RAB9B: variants seen among roughly 807,000 people sequenced by gnomAD.
The protein encoded by RAB9B is ras-related protein Rab-9B.
A neutral mutation model predicts 8.9 loss-of-function variants in RAB9B; 1 was observed. The ratio of observed to expected loss-of-function variants is 0.11; its 90% CI spans 0.04 to 0.53. RAB9B has a LOEUF of 0.53. Among genes scored for constraint, RAB9B ranks in the 20% least tolerant of loss-of-function variants. The pLI, the probability that RAB9B is intolerant of heterozygous loss-of-function variation, is 0.93. For synonymous variants in RAB9B, 63 were observed against 57.0 expected, an observed-to-expected ratio of 1.10 and a Z score of -0.47; for missense variants, 82 against 152.9, an observed-to-expected ratio of 0.54 and a Z score of 2.45.
chrX:103,824,338 G>A lies in RAB9B; in HGVS notation c.*841C>T, dbSNP rs1225425056. On this transcript the variant is annotated 3_prime_UTR_variant, in exon 3 of 3. Coordinates refer to ENST00000243298, the MANE Select transcript of RAB9B (RefSeq NM_016370.4). ...AAGGACCATCTAAATGATGAGCAGA[G>A]AGCACTGCATCCAAATTCATATACT... 2.7e-5 allele frequency: 3 copies of A among 112,387 alleles called. No homozygotes were observed. Among genetic ancestry groups the A allele is most frequent in the Non-Finnish European group, 5.6e-5 (3 of 53,334 alleles). The allele number at this position is 112,387 out of a possible 1,213,427, so 9.3% of individuals were successfully genotyped here. A position where few individuals can be genotyped will look rare whatever the true frequency, so the allele number is the denominator to read the frequency against.
chrX:103,776,761 A>G, the RAB9B span: 4 of 293,579 alleles, frequency 1.4e-5, no homozygotes, highest in African/African-American at 2.2e-4. Context: ...GGTGGGGAAA[A>G]GGGGAGGAGA....
intron 1 of RAB9B, among the ~76,000 whole-genome samples, chrX:103,831,028 G>T (rs1427083248): frequency 9.0e-6 from 1 of 110,880 alleles, no homozygotes; most frequent in Non-Finnish European, 1.9e-5. Context: ...CACTGGATGA[G>T]AGTGGCACTG....
At chrX:103,780,435 C>CTGTGTGAGTG in the RAB9B span, among the ~76,000 whole-genome samples, 1 of 68,337 alleles carries the variant, frequency 1.5e-5, no homozygotes, top group Admixed American at 1.6e-4. Context: ...CATTCTGTCT[C>CTGTGTGAGTG]TCTCTGTGTG....
chrX:103,789,184 A>C, the RAB9B span: 1 of 528,610 alleles, frequency 1.9e-6, no homozygotes, highest in Non-Finnish European at 3.4e-6. Context: ...TGGGAGGCCC[A>C]CATTTAGGGA....
chrX:103,787,187 C>CT, the RAB9B span, among the ~76,000 whole-genome samples: 1 of 111,397 alleles, frequency 9.0e-6, no homozygotes, highest in Non-Finnish European at 1.9e-5. Flanking sequence ...CTGCACAGTT[C>CT]GAGGTCCCAG....
the RAB9B span, chrX:103,776,511 A>G: frequency 1.7e-5 from 2 of 117,363 alleles, no homozygotes; most frequent in African/African-American, 6.5e-5. Context: ...CTCTCACTTC[A>G]TGGCTTCTCA....
chrX:103,814,806 C>T, the RAB9B span, among the ~76,000 whole-genome samples: 3 of 112,027 alleles, frequency 2.7e-5, no homozygotes, highest in Non-Finnish European at 5.6e-5. Context: ...AATACTATAA[C>T]ACCTCTATGC....
downstream of RAB9B, among the ~76,000 whole-genome samples, chrX:103,820,985 C>T (rs866277790): frequency 9.2e-4 from 90 of 97,613 alleles, no homozygotes; most frequent in Non-Finnish European, 1.3e-3. Flanking sequence ...CACACACATA[C>T]ACACACACAC....
the RAB9B span, among the ~76,000 whole-genome samples, chrX:103,806,223 G>A: frequency 9.0e-6 from 1 of 110,999 alleles, no homozygotes; most frequent in African/African-American, 3.3e-5. Context: ...TTAAATATAG[G>A]TACTTACAGA....
the RAB9B span, chrX:103,788,362 G>A: frequency 1.4e-6 from 1 of 727,818 alleles, no homozygotes; most frequent in South Asian, 2.1e-5. Context: ...TGGAAGAAGG[G>A]CTCTGGGGGA....
chrX:103,802,447 A>G, the RAB9B span, among the ~76,000 whole-genome samples: 1 of 111,760 alleles, frequency 8.9e-6, no homozygotes, highest in Non-Finnish European at 1.9e-5. Context: ...TAATTTTTCT[A>G]GTTGGATACA....
chrX:103,814,469 T>C, the RAB9B span, among the ~76,000 whole-genome samples: 32,388 of 110,509 alleles, frequency 0.29, 3,520 homozygotes, highest in East Asian at 0.38. Context: ...GCACTAAATG[T>C]CCACAAGAGA....
chrX:103,804,235 A>G, the RAB9B span, among the ~76,000 whole-genome samples: 1 of 112,243 alleles, frequency 8.9e-6, no homozygotes, highest in African/African-American at 3.2e-5. Context: ...GCATCCCAGC[A>G]CATTTGTTGA....
the RAB9B span, among the ~76,000 whole-genome samples, chrX:103,816,702 C>G: frequency 8.9e-6 from 1 of 112,081 alleles, no homozygotes; most frequent in Non-Finnish European, 1.9e-5. Flanking sequence ...GGCTAATATC[C>G]AGAATCTATA....
the RAB9B span, among the ~76,000 whole-genome samples, chrX:103,802,188 A>AAG: frequency 5.4e-4 from 55 of 102,761 alleles, no homozygotes; most frequent in South Asian, 1.9e-3. Context: ...TAGAAGAAGA[A>AAG]AGAGAGAGAG....
chrX:103,831,551 C>CT (rs2074703725), intron 1 of RAB9B, among the ~76,000 whole-genome samples: 1 of 101,110 alleles, frequency 9.9e-6, no homozygotes, highest in Non-Finnish European at 2.0e-5. Flanking sequence ...CAGGACACTT[C>CT]TTCCTCAGTA....
chrX:103,799,931 C>T, the RAB9B span, among the ~76,000 whole-genome samples: 1 of 111,588 alleles, frequency 9.0e-6, no homozygotes, highest in Non-Finnish European at 1.9e-5. Context: ...TTCTACTCTA[C>T]CCCCAAGAGG....
At chrX:103,798,935 C>T in the RAB9B span, among the ~76,000 whole-genome samples, 3 of 108,322 alleles carry the variant, frequency 2.8e-5, no homozygotes, top group Non-Finnish European at 5.7e-5. Context: ...CCACCGAGCC[C>T]GACCCAAACT....
chrX:103,789,001 G>A, the RAB9B span: 11,352 of 335,339 alleles, frequency 0.034, 169 homozygotes, highest in Middle Eastern at 0.059. Context: ...AAGTAAATCC[G>A]GGGGAGACAG....
Sources: allele counts gnomAD v4.1 joint callset (sites outside exome capture counted in the v4.1 genomes callset), GRCh38; gene constraint gnomAD v4.1.1; transcripts MANE v1.5; gene names NCBI Gene and HGNC (gene_info 2026-07-23, HGNC 2026-07-21).